TENM1: variants seen among roughly 807,000 people sequenced by gnomAD.
TENM1 encodes teneurin-1.
In TENM1, 35 loss-of-function variants were observed where a neutral mutation model predicts 174.8. The ratio of observed to expected loss-of-function variants is 0.20; its 90% CI spans 0.15 to 0.27. TENM1 has a LOEUF of 0.27. Ranked by LOEUF, TENM1 falls within the 10% of genes least tolerant of loss-of-function variation. TENM1 has a pLI of 1.00. For missense variants in TENM1, 1,633 were observed against 2,130.1 expected (o/e 0.77, Z 4.59); for synonymous variants, 781 against 798.7 (o/e 0.98, Z 0.37).
At chrX:124,891,297 T>C (rs1442346031) in intron 3 of TENM1, among the ~76,000 whole-genome samples, 1 of 111,529 alleles carries the variant, frequency 9.0e-6, no homozygotes, top group African/African-American at 3.3e-5. Flanking sequence ...AACTAAAATA[T>C]TGGAATAGGA....
chrX:124,688,548 T>C, intron 5 of TENM1: 1 of 135,535 alleles, frequency 7.4e-6, no homozygotes, highest in African/African-American at 3.1e-5. Context: ...CCCACAGGTC[T>C]AAATAGTGGT....
rs757975964 is a variant in TENM1, at chrX:124,732,357, T to C, written c.776+4600A>G. Among the ~76,000 whole-genome samples, 23 of 111,652 alleles carry C rather than the reference T, an allele frequency of 2.1e-4. No homozygotes were observed. In the South Asian group the frequency reaches 8.8e-3, roughly 43 times the overall value. On this transcript the variant is annotated intron_variant, in intron 4 of 31. Coordinates refer to ENST00000422452, the Ensembl canonical transcript of TENM1. ...AATTAGAACAAGAGAGGTGGCTAATTGTTGGTCATAGCATAAAATCCTCAG... is the reference window on the plus strand; with the variant it reads ...AATTAGAACAAGAGAGGTGGCTAATCGTTGGTCATAGCATAAAATCCTCAG...
chrX:124,463,568 G>A lies in TENM1; in HGVS notation c.3950-10077C>T, dbSNP rs903097027. Among the ~76,000 whole-genome samples, 9 of 111,304 alleles carry A rather than the reference G, an allele frequency of 8.1e-5. No homozygotes were observed. The Admixed American group carries it at 8.6e-4, about 11-fold the overall frequency. ...GTCAGTAGGAGAGCACCCTATGTTA[G>A]ATTCACCATAGAGACAATTCAGTAG... On this transcript the variant is annotated intron_variant, in intron 22 of 31. Transcript: ENST00000422452.
the TENM1 span, among the ~76,000 whole-genome samples, chrX:125,060,181 T>TCACACACACA: frequency 1.1e-5 from 1 of 93,842 alleles, no homozygotes; most frequent in Non-Finnish European, 2.1e-5. Context: ...TCTCTCTCTC[T>TCACACACACA]CACACACACA....
At chrX:124,529,809 C>T in intron 16 of TENM1, 55 bp downstream of exon 19, 2 of 1,205,360 alleles carry the variant, frequency 1.7e-6, no homozygotes, top group South Asian at 1.8e-5. Context: ...GGTTTTACCC[C>T]TGGCTAGAAG....
At chrX:124,432,503 G>T (rs1295708474) in intron 23 of TENM1, among the ~76,000 whole-genome samples, 1 of 111,974 alleles carries the variant, frequency 8.9e-6, no homozygotes, top group Non-Finnish European at 1.9e-5. Context: ...CTGCCTCCCA[G>T]GTTCAAGCAA....
chrX:125,147,104 TTATA>T, the TENM1 span, among the ~76,000 whole-genome samples: 510 of 109,113 alleles, frequency 4.7e-3, 6 homozygotes, highest in Admixed American at 7.7e-3. Context: ...TATATCTAAT[TTATA>T]TATATCTTAT....
chrX:124,872,723 G>A (rs966562940), intron 3 of TENM1, among the ~76,000 whole-genome samples: 2 of 111,876 alleles, frequency 1.8e-5, no homozygotes, highest in Non-Finnish European at 3.8e-5. Flanking sequence ...TTTTACAGCT[G>A]CTAATTTTGG....
intron 28 of TENM1, among the ~76,000 whole-genome samples, chrX:124,390,699 T>C (rs1345344307): frequency 8.9e-6 from 1 of 112,428 alleles, no homozygotes; most frequent in Non-Finnish European, 1.9e-5. Flanking sequence ...GTTTTTTTCA[T>C]ATGAAGGTCA....
At chrX:124,927,900 T>C (rs183864814) in intron 1 of TENM1, among the ~76,000 whole-genome samples, 6 of 112,261 alleles carry the variant, frequency 5.3e-5, no homozygotes, top group African/African-American at 1.9e-4. Flanking sequence ...ATACCAATTA[T>C]ATTTACAAGA....
chrX:125,112,134 TTGTGTGTGTGTG>T, the TENM1 span, among the ~76,000 whole-genome samples: 13 of 92,702 alleles, frequency 1.4e-4, no homozygotes, highest in Admixed American at 3.8e-4. Context: ...TTTAATGAAA[TTGTGTGTGTGTG>T]TGTGTGTGTG....
chrX:124,701,709 T>C, intron 5 of TENM1, among the ~76,000 whole-genome samples: 1 of 112,347 alleles, frequency 8.9e-6, no homozygotes, highest in Non-Finnish European at 1.9e-5. Flanking sequence ...CATGCCTCTC[T>C]TCACCAACTT....
intron 1 of TENM1, among the ~76,000 whole-genome samples, chrX:124,913,782 C>T (rs1347300968): frequency 1.8e-5 from 2 of 111,814 alleles, no homozygotes; most frequent in Admixed American, 1.9e-4. Context: ...TTTTTGTATT[C>T]ACTAACTTGT....
intron 22 of TENM1, among the ~76,000 whole-genome samples, chrX:124,460,399 T>C (rs2061156622): frequency 9.0e-6 from 1 of 111,402 alleles, no homozygotes; most frequent in South Asian, 3.7e-4. Context: ...TATGAATCCA[T>C]AAAAAGGAAT....
chrX:125,047,439 T>G, the TENM1 span, among the ~76,000 whole-genome samples: 1 of 111,741 alleles, frequency 8.9e-6, no homozygotes, highest in Non-Finnish European at 1.9e-5. Context: ...CCTTTAAAAA[T>G]AAATCATCAA....
intron 5 of TENM1, among the ~76,000 whole-genome samples, chrX:124,684,999 A>G (rs958390838): frequency 9.0e-6 from 1 of 111,149 alleles, no homozygotes; most frequent in Non-Finnish European, 1.9e-5. Context: ...GCTGGTCCAC[A>G]CAGAATCCCT....
chrX:124,482,816 G>A (rs1352540233), intron 21 of TENM1, among the ~76,000 whole-genome samples: 1 of 111,643 alleles, frequency 9.0e-6, no homozygotes, highest in Non-Finnish European at 1.9e-5. Context: ...GTTTTTCAAT[G>A]GCTACAATAA....
At chrX:124,392,647 T>C (rs1415759721) in intron 27 of TENM1, among the ~76,000 whole-genome samples, 1 of 112,328 alleles carries the variant, frequency 8.9e-6, no homozygotes, top group South Asian at 3.7e-4. Flanking sequence ...TCAGTAATTA[T>C]GTGATCTTAT....
At chrX:124,729,942 T>C (rs986507052) in intron 4 of TENM1, among the ~76,000 whole-genome samples, 1 of 111,380 alleles carries the variant, frequency 9.0e-6, no homozygotes, top group African/African-American at 3.3e-5. Context: ...CTGCAACCTC[T>C]GAACCATCCC....
Sources: allele counts gnomAD v4.1 joint callset (sites outside exome capture counted in the v4.1 genomes callset), GRCh38; gene constraint gnomAD v4.1.1; transcripts MANE v1.5; gene names NCBI Gene and HGNC (gene_info 2026-07-23, HGNC 2026-07-21).